The following BARD1 variants were observed in gnomAD, a reference collection of about 807,000 sequenced individuals.
BARD1 encodes the protein BRCA1-associated RING domain protein 1.
In BARD1, 73 loss-of-function variants were observed where a neutral mutation model predicts 77.0. The ratio of observed to expected loss-of-function variants is 0.95; its 90% CI spans 0.79 to 1.15. The LOEUF is 1.15. Among genes scored for constraint, BARD1 ranks in the 50% most tolerant of loss-of-function variants. BARD1 has a pLI of 0.00. For missense variants in BARD1, 993 were observed against 938.8 expected (o/e 1.06, Z -0.75); for synonymous variants, 384 against 338.0 (o/e 1.14, Z -1.49).
intron 6 of BARD1, among the ~76,000 whole-genome samples, chr2:214,760,008 T>C (rs1238268002): frequency 6.6e-6 from 1 of 152,202 alleles, no homozygotes; most frequent in Non-Finnish European, 1.5e-5. Flanking sequence ...CTTTTTCCTA[T>C]GTCTAGTCTT....
rs35513316 is a variant in BARD1, at chr2:214,780,845, G to A, written c.1029C>T (p.Thr343=). Residue 343 remains threonine, a synonymous_variant, in exon 4 of 11, where the codon ACC becomes ACT. Coordinates refer to ENST00000260947, the MANE Select transcript of BARD1 (RefSeq NM_000465.4). ...CCGTTTGCTTAACAAAATCTCCACT[G>A]GTGCTCAGAATGCTGGTTCTACATC... ...SKRCRTSILS[T]SGDFVKQTVP... 1 of 1,614,122 alleles carries A rather than the reference G, an allele frequency of 6.2e-7. No homozygotes were observed. The highest frequency in any genetic ancestry group is 2.2e-5 in the East Asian group (1 of 44,870).
chr2:214,740,068 T>A (rs1362665172), intron 9 of BARD1, among the ~76,000 whole-genome samples: 1 of 152,012 alleles, frequency 6.6e-6, no homozygotes, highest in Admixed American at 6.5e-5. Flanking sequence ...TCTGTCTCTA[T>A]ATAGGTATGG....
chr2:214,757,321 A>T (rs1693740228), intron 6 of BARD1, among the ~76,000 whole-genome samples: 2 of 151,176 alleles, frequency 1.3e-5, no homozygotes, highest in South Asian at 4.2e-4. Flanking sequence ...CTCTTGCGCT[A>T]TTCCTTTACC....
intron 3 of BARD1, among the ~76,000 whole-genome samples, chr2:214,789,390 T>A (rs1483285209): frequency 1.3e-5 from 2 of 148,524 alleles, no homozygotes; most frequent in Non-Finnish European, 3.0e-5. Context: ...AAAAAAAAAA[T>A]TAATTGGCAG....
intron 6 of BARD1, among the ~76,000 whole-genome samples, chr2:214,767,198 AAC>A (rs1211433583): frequency 1.3e-5 from 2 of 152,300 alleles, no homozygotes; most frequent in African/African-American, 4.8e-5. Context: ...GTATATATGT[AAC>A]ACATTTTTTT....
chr2:214,762,634 G>A (rs1694014772), intron 6 of BARD1, among the ~76,000 whole-genome samples: 1 of 152,032 alleles, frequency 6.6e-6, no homozygotes, highest in African/African-American at 2.4e-5. Context: ...CAAAAACCTA[G>A]CAAACTGATG....
At chr2:214,757,660 T>C (rs898661345) in intron 6 of BARD1, among the ~76,000 whole-genome samples, 2 of 152,200 alleles carry the variant, frequency 1.3e-5, no homozygotes, top group Admixed American at 1.3e-4. Context: ...AACTCTGTTT[T>C]GCAATTAGTT....
rs6726175 is a variant in BARD1, at chr2:214,767,935, A to T, written c.1396-281T>A. Among the ~76,000 whole-genome samples, 56,408 of 151,906 alleles carry T rather than the reference A, an allele frequency of 0.37. 10,605 individuals carry two copies. The highest frequency in any genetic ancestry group is 0.44 in the Middle Eastern group (130 of 294). On this transcript the variant is annotated intron_variant, in intron 5 of 10. Coordinates refer to ENST00000260947, the MANE Select transcript of BARD1 (RefSeq NM_000465.4). Reference sequence around the variant, plus strand: ...TTAGAAGAAAATGTAGTTTTAAACCAACGGTAGCTCCTTAAATGTTCTACA... The same window carrying T: ...TTAGAAGAAAATGTAGTTTTAAACCTACGGTAGCTCCTTAAATGTTCTACA...
At chr2:214,795,693 G>C (rs1695725943) in intron 2 of BARD1, among the ~76,000 whole-genome samples, 1 of 152,084 alleles carries the variant, frequency 6.6e-6, no homozygotes, top group Non-Finnish European at 1.5e-5. Context: ...CAAGATTCAG[G>C]ACACATTTTG....
chr2:214,807,539 C>T (rs547899603), intron 1 of BARD1, among the ~76,000 whole-genome samples: 12 of 152,200 alleles, frequency 7.9e-5, no homozygotes, highest in Admixed American at 2.0e-4. Context: ...CAATACTTTA[C>T]ATACATGTAA....
rs1694984038 is a variant in BARD1 at position 214,780,987 on chromosome 2, T to TC, written c.886dup (p.Glu296GlyfsTer6). 6.2e-7 allele frequency: 1 copy of TC among 1,613,210 alleles called. No individual in the cohort carries two copies. The highest frequency in any genetic ancestry group is 2.2e-5 in the East Asian group (1 of 44,870). ...GCAGACCTTCTCAGGAGTCACTACT[T>TC]CATTCCTGCTCTTAGTGTCTGGAGA... On this transcript the variant is annotated frameshift_variant, in exon 4 of 11. Transcript: ENST00000260947. LOFTEE classifies it high-confidence loss of function.
At chr2:214,750,450 T>C (rs985189150) in intron 7 of BARD1, among the ~76,000 whole-genome samples, 1 of 152,174 alleles carries the variant, frequency 6.6e-6, no homozygotes, top group African/African-American at 2.4e-5. Context: ...TCACAGTAAA[T>C]GCTATAGTTT....
At chr2:214,764,221 C>A (rs1694091638) in intron 6 of BARD1, among the ~76,000 whole-genome samples, 1 of 152,162 alleles carries the variant, frequency 6.6e-6, no homozygotes, top group African/African-American at 2.4e-5. Flanking sequence ...TTCATTCAAA[C>A]ACTAATTCAC....
chr2:214,758,309 C>T (rs967280691), intron 6 of BARD1, among the ~76,000 whole-genome samples: 3 of 152,230 alleles, frequency 2.0e-5, no homozygotes, highest in Admixed American at 1.3e-4. Flanking sequence ...AGGATTGTTG[C>T]CAGAATCAAA....
chr2:214,772,242 C>T (rs903934039), intron 4 of BARD1, among the ~76,000 whole-genome samples: 2 of 152,176 alleles, frequency 1.3e-5, no homozygotes, highest in East Asian at 3.9e-4. Context: ...CAGGTGTGAG[C>T]CCCTGCAACT....
At chr2:214,808,699 G>C (rs1696397253) in intron 1 of BARD1, among the ~76,000 whole-genome samples, 1 of 97,696 alleles carries the variant, frequency 1.0e-5, no homozygotes, top group Non-Finnish European at 2.4e-5. Context: ...ACGAAAAAAA[G>C]CAAGAAGTAA....
At chr2:214,741,642 T>A (rs1692835250) in intron 9 of BARD1, among the ~76,000 whole-genome samples, 2 of 152,126 alleles carry the variant, frequency 1.3e-5, no homozygotes, top group South Asian at 4.1e-4. Flanking sequence ...ACCATTTTGA[T>A]GTTGAAGGAG....
At chr2:214,780,390 T>C (rs561529523) in intron 4 of BARD1, among the ~76,000 whole-genome samples, 170 bp downstream of exon 4, 13 of 152,332 alleles carry the variant, frequency 8.5e-5, no homozygotes, top group African/African-American at 3.1e-4. Flanking sequence ...CTGCTCCAAC[T>C]GAAGTAGAGA....
rs944044039 is a variant in BARD1, at chr2:214,752,570, G to A, written c.1569-15C>T. 2.5e-6 allele frequency: 4 copies of A among 1,592,322 alleles called. No homozygotes were observed. The highest frequency in any genetic ancestry group is 2.2e-5 in the East Asian group (1 of 44,716). On this transcript the variant is annotated splice_polypyrimidine_tract_variant and intron_variant, in intron 6 of 10. Transcript: ENST00000260947. ...CAAATATATTACTGGTAAAATAAGT[G>A]CAGATGTGTTTAAGTAAGTCAAATG...
Sources: allele counts gnomAD v4.1 joint callset (sites outside exome capture counted in the v4.1 genomes callset), GRCh38; gene constraint gnomAD v4.1.1; transcripts MANE v1.5; gene names NCBI Gene and HGNC (gene_info 2026-07-23, HGNC 2026-07-21).